The following CNTNAP2 variants were observed in gnomAD, a reference collection of about 807,000 sequenced individuals.
CNTNAP2 encodes contactin-associated protein-like 2.
A neutral mutation model predicts 155.2 loss-of-function variants in CNTNAP2; 98 were observed. The ratio of observed to expected loss-of-function variants is 0.63; its 90% CI spans 0.54 to 0.75. The LOEUF is 0.75. Ranked by LOEUF, CNTNAP2 falls within the 30% of genes least tolerant of loss-of-function variation. CNTNAP2 has a pLI of 0.00. For missense variants in CNTNAP2, 1,727 were observed against 1,688.1 expected (o/e 1.02, Z -0.40); for synonymous variants, 651 against 631.2 (o/e 1.03, Z -0.47).
chr7:146,140,716 T>C (rs1261852145), intron 1 of CNTNAP2, among the ~76,000 whole-genome samples: 2 of 152,136 alleles, frequency 1.3e-5, no homozygotes, highest in Non-Finnish European at 2.9e-5. Flanking sequence ...TCATGCAATT[T>C]ACTCTCTACA....
Position 147,981,794 on chromosome 7 carries a change from T to TGC in CNTNAP2, c.2383+3806_2383+3807insCG, listed in dbSNP as rs1240495176. Among the ~76,000 whole-genome samples, 164 of 151,552 alleles carry TGC rather than the reference T, an allele frequency of 1.1e-3. 1 individual carries two copies. The highest frequency in any genetic ancestry group is 3.8e-3 in the African/African-American group (159 of 41,314). On this transcript the variant is annotated intron_variant, in intron 15 of 23. Transcript: ENST00000361727. The stretch of plus-strand genomic sequence containing the variant: ...ATGCTTATGTCCTTACAGGTGTGTG[T>TGC]GTGTGTGTGTGTGTGTGTGTGTGGT...
At chr7:148,331,415 T>TGGATGGGATGGATGGAGTGGAC (rs1798007964) in intron 21 of CNTNAP2, among the ~76,000 whole-genome samples, 1 of 92,176 alleles carries the variant, frequency 1.1e-5, no homozygotes, top group Non-Finnish European at 2.1e-5. Flanking sequence ...ATGGAATGGA[T>TGGATGGGATGGATGGAGTGGAC]GGATGGGATG....
At chr7:147,318,325 C>T (rs1010799826) in intron 9 of CNTNAP2, among the ~76,000 whole-genome samples, 1 of 151,992 alleles carries the variant, frequency 6.6e-6, no homozygotes, top group Non-Finnish European at 1.5e-5. Flanking sequence ...ACCTGAAGTC[C>T]CAGCTACTTG....
intron 13 of CNTNAP2, among the ~76,000 whole-genome samples, chr7:147,863,616 A>G (rs139720933): frequency 0.6 from 91,113 of 151,880 alleles, 27,639 homozygotes; most frequent in South Asian, 0.74. Context: ...TTTAATGATC[A>G]CCATTCTAAC....
chr7:147,093,157 C>T (rs563174956), intron 4 of CNTNAP2, among the ~76,000 whole-genome samples: 2 of 146,530 alleles, frequency 1.4e-5, no homozygotes, highest in South Asian at 2.2e-4. Context: ...AGGAGAATGG[C>T]GTGAACTCGG....
intron 1 of CNTNAP2, among the ~76,000 whole-genome samples, chr7:146,122,923 C>A (rs1797583744): frequency 6.6e-6 from 1 of 152,154 alleles, no homozygotes; most frequent in African/African-American, 2.4e-5. Context: ...TTCTTTCCAA[C>A]AAAGCATTTG....
intron 15 of CNTNAP2, among the ~76,000 whole-genome samples, chr7:148,003,663 A>C (rs1183289902): frequency 6.6e-6 from 1 of 152,196 alleles, no homozygotes; most frequent in East Asian, 1.9e-4. Flanking sequence ...CATATGTAGA[A>C]ACCTGGTATA....
intron 8 of CNTNAP2, among the ~76,000 whole-genome samples, chr7:147,230,989 C>A (rs1205171270): frequency 6.6e-6 from 1 of 152,162 alleles, no homozygotes; most frequent in Non-Finnish European, 1.5e-5. Flanking sequence ...CCTCAGGAAA[C>A]TTACAATCAT....
At chr7:147,515,382 G>T (rs1418131677) in intron 11 of CNTNAP2, among the ~76,000 whole-genome samples, 1 of 146,816 alleles carries the variant, frequency 6.8e-6, no homozygotes, top group East Asian at 2.0e-4. Flanking sequence ...GAGTGCAGTG[G>T]TGTGATCTCG....
intron 13 of CNTNAP2, among the ~76,000 whole-genome samples, chr7:147,833,140 TTC>T (rs1201957173): frequency 1.3e-5 from 2 of 151,510 alleles, no homozygotes; most frequent in African/African-American, 4.8e-5. Flanking sequence ...TTTTTTTTTT[TTC>T]ATGAAACAAT....
At chr7:146,163,871 C>T (rs946530228) in intron 1 of CNTNAP2, among the ~76,000 whole-genome samples, 1 of 152,000 alleles carries the variant, frequency 6.6e-6, no homozygotes, top group African/African-American at 2.4e-5. Context: ...TTATAATTGG[C>T]GTTTGGTTGA....
At chr7:146,888,822 G>A (rs1367768258) in intron 3 of CNTNAP2, among the ~76,000 whole-genome samples, 1 of 152,058 alleles carries the variant, frequency 6.6e-6, no homozygotes, top group Non-Finnish European at 1.5e-5. Flanking sequence ...GTAGAAGAGT[G>A]GTTGCCAGGG....
chr7:146,201,096 G>C (rs188203947), intron 1 of CNTNAP2, among the ~76,000 whole-genome samples: 297 of 152,156 alleles, frequency 2.0e-3, no homozygotes, highest in Middle Eastern at 6.8e-3. Flanking sequence ...CCATATTTTT[G>C]TTAGACTTCA....
At chr7:147,378,166 GT>G (rs1158728591) in intron 9 of CNTNAP2, 2 of 286,992 alleles carry the variant, frequency 7.0e-6, no homozygotes, top group Non-Finnish European at 1.4e-5. Flanking sequence ...ATGTTTCTAA[GT>G]TTTTTTAAAT....
intron 22 of CNTNAP2, among the ~76,000 whole-genome samples, chr7:148,408,069 A>G (rs991846609): frequency 1.3e-5 from 2 of 152,040 alleles, no homozygotes; most frequent in African/African-American, 4.8e-5. Flanking sequence ...ACATGGTGAA[A>G]CCCTGTCTCT....
chr7:146,672,732 T>C (rs1377802203), intron 1 of CNTNAP2, among the ~76,000 whole-genome samples: 3 of 152,232 alleles, frequency 2.0e-5, no homozygotes, highest in African/African-American at 4.8e-5. Context: ...AATGTTGGAA[T>C]GTGTCTTTAG....
intron 14 of CNTNAP2, among the ~76,000 whole-genome samples, chr7:147,913,462 C>T (rs1045908397): frequency 2.0e-5 from 3 of 152,130 alleles, no homozygotes; most frequent in Non-Finnish European, 2.9e-5. Flanking sequence ...CCTGCTCCCA[C>T]CTTAGACAAA....
intron 1 of CNTNAP2, among the ~76,000 whole-genome samples, chr7:146,429,198 G>A (rs1796136605): frequency 6.6e-6 from 1 of 152,104 alleles, no homozygotes; most frequent in East Asian, 1.9e-4. Context: ...GCTTGTGATT[G>A]TCTTGGCTAT....
At position 148,016,538 on chromosome 7, in the gene CNTNAP2, C is replaced by T. The variant is rs565966020; in HGVS notation, c.2383+38549C>T. ...CACTGAAGAGAGGCAGAGGTGGAGA[C>T]GTGAAAGAAGACAGCAAAATCACAG... On this transcript the variant is annotated intron_variant, in intron 15 of 23. Transcript: ENST00000361727. Among the ~76,000 whole-genome samples the T allele has an allele frequency of 5.3e-5, 8 of 152,276 alleles. No homozygotes were observed. The East Asian group carries it at 7.7e-4, about 15-fold the overall frequency.
Sources: allele counts gnomAD v4.1 joint callset (sites outside exome capture counted in the v4.1 genomes callset), GRCh38; gene constraint gnomAD v4.1.1; transcripts MANE v1.5; gene names NCBI Gene and HGNC (gene_info 2026-07-23, HGNC 2026-07-21).